Variants in GPR55 observed in about 807,000 individuals in gnomAD.
The protein encoded by GPR55 is G protein-coupled receptor 55.
In GPR55, 6 loss-of-function variants were observed where a neutral mutation model predicts 7.9. That is an observed-to-expected ratio of 0.76 (90% CI 0.41 to 1.49). The LOEUF is 1.49. GPR55 is among the 40% of genes most tolerant of loss of function. The probability of loss-of-function intolerance (pLI) is 0.01; values close to 1 mark genes in which losing one functional copy is unlikely to be tolerated. For missense variants in GPR55, 376 were observed against 406.0 expected (o/e 0.93, Z 0.63); for synonymous variants, 183 against 166.8 (o/e 1.10, Z -0.75).
intron 1 of GPR55, among the ~76,000 whole-genome samples, chr2:230,940,887 C>T (rs112909015): frequency 0.024 from 3,706 of 152,166 alleles, 141 homozygotes; most frequent in African/African-American, 0.085. Context: ...GAGGCCAAGG[C>T]GGGTGGATTG....
chr2:230,922,516 C>G (rs773186866), intron 1 of GPR55, among the ~76,000 whole-genome samples: 2 of 152,178 alleles, frequency 1.3e-5, no homozygotes, highest in Admixed American at 1.3e-4. Context: ...GCTGGGACTA[C>G]AGGCATGCAT....
chr2:230,950,669 T>C (rs746208982), intron 1 of GPR55, among the ~76,000 whole-genome samples: 2 of 152,218 alleles, frequency 1.3e-5, no homozygotes, highest in Non-Finnish European at 2.9e-5. Context: ...TTGGCTTTTG[T>C]CCACAGTTTC....
rs549059671 is a variant in GPR55, at chr2:230,910,633, G to A, written c.330C>T (p.Phe110=). The A allele has an allele frequency of 5.6e-6, 9 of 1,613,916 alleles. No individual in the cohort carries two copies. The highest frequency in any genetic ancestry group is 7.6e-6 in the Non-Finnish European group (9 of 1,179,948). Residue 110 remains phenylalanine (F), a synonymous_variant, in exon 2 of 2, where the codon TTC becomes TTT. Coordinates refer to ENST00000650999, the MANE Select transcript of GPR55 (RefSeq NM_005683.4). This position sits in a 1 kb window ranked among gnomAD's most constrained non-coding sequence, Gnocchi z 5.4. ...LYFVSMYGSV[F]TICFISMDRF... The stretch of plus-strand genomic sequence containing the variant: ...GGTCCATGCTGATGAAGCAGATGGT[G>A]AAGACGCTTCCGTACATGCTGACGA...
At position 230,924,025 on chromosome 2, in the gene GPR55, T is replaced by C. The variant is rs573819877; in HGVS notation, c.-135+1143A>G. On this transcript the variant is annotated intron_variant, in intron 1 of 1. Coordinates refer to ENST00000650999, the MANE Select transcript of GPR55 (RefSeq NM_005683.4). The surrounding 1 kb of genome is among the most constrained non-coding windows in gnomAD (Gnocchi z 4.5). The stretch of plus-strand genomic sequence containing the variant: ...TCACCCACATCATCTGATGTGGTTT[T>C]CCCAGTGCAGTCCTGAGTGGGTGCC... 3.3e-4 allele frequency among the ~76,000 whole-genome samples: 50 copies of C among 152,228 alleles called. No homozygotes were observed. Among genetic ancestry groups the C allele is most frequent in the Middle Eastern group, 3.4e-3 (1 of 294 alleles).
At chr2:230,935,952 T>C (rs1691124912) in intron 1 of GPR55, among the ~76,000 whole-genome samples, 1 of 152,186 alleles carries the variant, frequency 6.6e-6, no homozygotes, top group Non-Finnish European at 1.5e-5. Context: ...ATGCCCAGCT[T>C]GTATATACTG....
chr2:230,939,504 C>T (rs532459763), intron 1 of GPR55, among the ~76,000 whole-genome samples: 4 of 152,192 alleles, frequency 2.6e-5, no homozygotes, highest in Non-Finnish European at 5.9e-5. Context: ...AAGTTGGCAT[C>T]TCCTGGGCTG....
rs1234791596 is a variant in GPR55 at position 230,910,678 on chromosome 2, G to C, written c.285C>G (p.Thr95=). 9 of 1,612,640 alleles carry C rather than the reference G, an allele frequency of 5.6e-6. No homozygotes were observed. The South Asian group carries it at 9.9e-5, about 18-fold the overall frequency. The change falls in exon 2 of 2, where the codon ACC becomes ACG. Residue 95 remains threonine, a synonymous_variant. Coordinates refer to ENST00000650999, the MANE Select transcript of GPR55 (RefSeq NM_005683.4). This position sits in a 1 kb window ranked among gnomAD's most constrained non-coding sequence, Gnocchi z 5.4. ...TGACGAAGTAAAGGCACTCCACCAG[G>C]GTGCACAGGGACGGGAAGGGGGACT... ...QVQSPFPSLC[T]LVECLYFVSM... is the part of the protein sequence containing the mutation.
intron 1 of GPR55, among the ~76,000 whole-genome samples, chr2:230,920,247 G>A (rs1263571640): frequency 6.6e-6 from 1 of 152,112 alleles, no homozygotes; most frequent in African/African-American, 2.4e-5. Flanking sequence ...GAAACAACTT[G>A]TGGTCTGGGT....
Position 230,933,459 on chromosome 2 carries a change from C to T in GPR55, c.-134-22363G>A, listed in dbSNP as rs569342485. 3.3e-5 allele frequency among the ~76,000 whole-genome samples: 5 copies of T among 152,354 alleles called. No homozygotes were observed. The East Asian group carries it at 9.6e-4, about 29-fold the overall frequency. On this transcript the variant is annotated intron_variant, in intron 1 of 1. Coordinates refer to the GPR55 transcript ENST00000392039. ...CAGCCCATGGTGTGCAGCTGCTGGGCAGCCTGGCAGGCCCTCCAGGAAGCC... is the reference window on the plus strand; with the variant it reads ...CAGCCCATGGTGTGCAGCTGCTGGGTAGCCTGGCAGGCCCTCCAGGAAGCC...
intron 1 of GPR55, among the ~76,000 whole-genome samples, chr2:230,934,438 T>C (rs17765502): frequency 0.048 from 7,286 of 152,288 alleles, 241 homozygotes; most frequent in South Asian, 0.072. Context: ...TGACCACCTC[T>C]GTGAACAGCA....
chr2:230,916,292 T>C (rs1690713813), intron 1 of GPR55, among the ~76,000 whole-genome samples: 1 of 152,028 alleles, frequency 6.6e-6, no homozygotes, highest in Middle Eastern at 3.2e-3. Flanking sequence ...GCAGGCTGTG[T>C]GGGAGGATCA....
At chr2:230,952,100 C>T (rs1691413944) in intron 1 of GPR55, among the ~76,000 whole-genome samples, 1 of 152,048 alleles carries the variant, frequency 6.6e-6, no homozygotes, top group Non-Finnish European at 1.5e-5. Context: ...GGGGGGGTTA[C>T]TAGACCTCAA....
intron 1 of GPR55, among the ~76,000 whole-genome samples, chr2:230,960,582 CA>C (rs201487587): frequency 1.5e-3 from 225 of 151,116 alleles, no homozygotes; most frequent in African/African-American, 4.9e-3. Context: ...TGAATGACAA[CA>C]AAAAAAAATC....
In GPR55 at chr2:230,909,677, G is replaced by A. The variant is rs943618174; in HGVS notation, c.*326C>T. ...ACCTCCCAGTCGAACAGGAAAATGG[G>A]GAGAGTTGGAAACAGCCTTGTTGAC... On this transcript the variant is annotated 3_prime_UTR_variant, in exon 2 of 2. Transcript: ENST00000650999. The A allele has an allele frequency of 8.5e-6, 2 of 235,204 alleles. No homozygotes were observed. The highest frequency in any genetic ancestry group is 8.8e-5 in the East Asian group (1 of 11,356). 14.6% of individuals were successfully genotyped at this position (235,204 alleles called of 1,614,324 possible).
Position 230,909,627 on chromosome 2 carries a change from T to C in GPR55, c.*376A>G. The C allele has an allele frequency of 4.7e-6, 1 of 211,818 alleles. No homozygotes were observed. The highest frequency in any genetic ancestry group is 9.5e-6 in the Non-Finnish European group (1 of 105,058). 13.1% of individuals were successfully genotyped at this position (211,818 alleles called of 1,614,324 possible). On this transcript the variant is annotated 3_prime_UTR_variant, in exon 2 of 2. Transcript: ENST00000650999. Reference sequence around the variant, plus strand: ...CTCTTGGCTCCCTCCTTTACCTCTTTTCTCTCTCTCTCTTTCTTTCCAGAA... The same window carrying C: ...CTCTTGGCTCCCTCCTTTACCTCTTCTCTCTCTCTCTCTTTCTTTCCAGAA...
chr2:230,931,498 C>A (rs1559175395), intron 1 of GPR55, among the ~76,000 whole-genome samples: 1 of 152,190 alleles, frequency 6.6e-6, no homozygotes, highest in Non-Finnish European at 1.5e-5. Flanking sequence ...TCCCACCTTG[C>A]TGAACCCTCA....
chr2:230,945,012 G>T (rs1235309517), intron 1 of GPR55, among the ~76,000 whole-genome samples: 1 of 152,240 alleles, frequency 6.6e-6, no homozygotes, highest in Non-Finnish European at 1.5e-5. Flanking sequence ...GCAGGAGCAG[G>T]AGCCTCACTG....
upstream of GPR55, among the ~76,000 whole-genome samples, chr2:230,929,278 G>A (rs1032963360): frequency 6.6e-6 from 1 of 152,094 alleles, no homozygotes; most frequent in Admixed American, 6.5e-5. Context: ...TGCCCCCTAG[G>A]TGCTCACAAA....
At chr2:230,938,409 AAAAAC>A (rs1330584839) in intron 1 of GPR55, among the ~76,000 whole-genome samples, 3 of 151,538 alleles carry the variant, frequency 2.0e-5, no homozygotes, top group Non-Finnish European at 1.5e-5. Flanking sequence ...AAAAAAAAAA[AAAAAC>A]AAAGAAAGAA....
Sources: allele counts gnomAD v4.1 joint callset (sites outside exome capture counted in the v4.1 genomes callset), GRCh38; gene constraint gnomAD v4.1.1; non-coding constraint Gnocchi (gnomAD v3.1); transcripts MANE v1.5; gene names NCBI Gene and HGNC (gene_info 2026-07-23, HGNC 2026-07-21).